The following ZNF385D variants were observed in gnomAD, a reference collection of about 807,000 sequenced individuals.
The protein encoded by ZNF385D is zinc finger protein 659.
ZNF385D carries 15 observed loss-of-function variants against 35.8 expected under a neutral mutation model. The observed-to-expected ratio is 0.42, with a 90% CI of 0.28 to 0.64. The LOEUF (loss-of-function observed/expected upper bound fraction) is 0.64, where lower values mean the gene tolerates loss of function less well. Among genes scored for constraint, ZNF385D ranks in the 30% least tolerant of loss-of-function variants. The pLI is 0.23. For missense variants in ZNF385D, 474 were observed against 494.6 expected (o/e 0.96, Z 0.39); for synonymous variants, 212 against 186.8 (o/e 1.13, Z -1.10).
chr3:21,697,676 A>G (rs1381165645), intron 1 of ZNF385D, among the ~76,000 whole-genome samples: 1 of 152,232 alleles, frequency 6.6e-6, no homozygotes, highest in Non-Finnish European at 1.5e-5. Flanking sequence ...GACAATCTAC[A>G]GAACGGGAGA....
At chr3:22,104,551 G>A (rs548438548) in intron 3 of ZNF385D, among the ~76,000 whole-genome samples, 2 of 151,374 alleles carry the variant, frequency 1.3e-5, no homozygotes, top group African/African-American at 2.4e-5. Flanking sequence ...TTTTTTTGCC[G>A]CGTTGTGTAC....
intron 2 of ZNF385D, among the ~76,000 whole-genome samples, chr3:22,250,128 C>T (rs996290890): frequency 6.6e-6 from 1 of 152,084 alleles, no homozygotes; most frequent in Non-Finnish European, 1.5e-5. Context: ...ATGTGGTAAA[C>T]TTCAAGGTAT....
chr3:21,459,481 G>A (rs1172770157), intron 4 of ZNF385D: 3 of 151,996 alleles, frequency 2.0e-5, no homozygotes, highest in Non-Finnish European at 4.4e-5. Context: ...AGAGCAGAAT[G>A]AAATATTATA....
At chr3:21,782,258 A>T (rs2071520019) in intron 3 of ZNF385D, among the ~76,000 whole-genome samples, 1 of 152,250 alleles carries the variant, frequency 6.6e-6, no homozygotes, top group African/African-American at 2.4e-5. Context: ...GTGCCGGCCA[A>T]GTGGAGGTCA....
intron 3 of ZNF385D, among the ~76,000 whole-genome samples, chr3:21,998,629 G>C (rs1428164237): frequency 6.6e-6 from 1 of 152,090 alleles, no homozygotes; most frequent in African/African-American, 2.4e-5. Flanking sequence ...CAAGAGATTT[G>C]TTATTAGTGT....
chr3:22,270,480 A>T (rs967430657), intron 2 of ZNF385D, among the ~76,000 whole-genome samples: 1 of 151,972 alleles, frequency 6.6e-6, no homozygotes, highest in Non-Finnish European at 1.5e-5. Flanking sequence ...TTTCCATGTG[A>T]GCTTACTCCC....
At chr3:21,439,070 T>C (rs1248608067) in intron 4 of ZNF385D, among the ~76,000 whole-genome samples, 1 of 152,076 alleles carries the variant, frequency 6.6e-6, no homozygotes, top group African/African-American at 2.4e-5. Flanking sequence ...AAACAACAAG[T>C]AGCTAATTTG....
intron 2 of ZNF385D, among the ~76,000 whole-genome samples, chr3:21,664,154 C>T (rs1488527987): frequency 1.3e-5 from 2 of 150,334 alleles, no homozygotes; most frequent in Non-Finnish European, 3.0e-5. Flanking sequence ...CCTTTTCAAC[C>T]CTTATTTCAA....
intron 3 of ZNF385D, among the ~76,000 whole-genome samples, chr3:21,788,954 G>A (rs1179171608): frequency 2.0e-5 from 3 of 151,642 alleles, no homozygotes; most frequent in Non-Finnish European, 4.4e-5. Context: ...GAGGACAGAA[G>A]AACAAAAAAA....
chr3:22,257,635 C>T (rs937666538), intron 2 of ZNF385D, among the ~76,000 whole-genome samples: 18 of 151,854 alleles, frequency 1.2e-4, no homozygotes, highest in African/African-American at 4.3e-4. Context: ...CATCACTACT[C>T]TGCCCAGCAT....
intron 3 of ZNF385D, among the ~76,000 whole-genome samples, chr3:21,790,887 T>A (rs998996697): frequency 2.6e-5 from 4 of 152,222 alleles, no homozygotes; most frequent in African/African-American, 9.6e-5. Flanking sequence ...ATTTTTTTGC[T>A]TGTCCTTTAG....
intron 2 of ZNF385D, among the ~76,000 whole-genome samples, chr3:22,354,728 A>G (rs1039981976): frequency 2.0e-5 from 3 of 152,120 alleles, no homozygotes; most frequent in East Asian, 1.9e-4. Flanking sequence ...AACAGAGAAC[A>G]TCAGGAAAAC....
At chr3:21,470,826 A>G (rs543002305) in intron 4 of ZNF385D, among the ~76,000 whole-genome samples, 1 of 152,222 alleles carries the variant, frequency 6.6e-6, no homozygotes, top group Admixed American at 6.5e-5. Flanking sequence ...TTGAATGATC[A>G]TTCCCAGCTT....
intron 2 of ZNF385D, among the ~76,000 whole-genome samples, chr3:21,657,050 A>G (rs1041984044): frequency 6.6e-6 from 1 of 151,876 alleles, no homozygotes; most frequent in Admixed American, 6.6e-5. Flanking sequence ...AAGGATATCT[A>G]TATATAAATA....
intron 3 of ZNF385D, among the ~76,000 whole-genome samples, chr3:21,942,076 A>T (rs1701549372): frequency 6.6e-6 from 1 of 152,024 alleles, no homozygotes; most frequent in Admixed American, 6.5e-5. Context: ...TATATGTTAT[A>T]GCTAAGGACA....
intron 3 of ZNF385D, among the ~76,000 whole-genome samples, chr3:21,912,272 AC>A (rs919641683): frequency 4.6e-5 from 7 of 151,118 alleles, no homozygotes; most frequent in African/African-American, 1.2e-4. Context: ...GACAATAATA[AC>A]CCCAAGTAGT....
At chr3:21,583,589 A>G (rs933044777) in intron 2 of ZNF385D, among the ~76,000 whole-genome samples, 20 of 152,144 alleles carry the variant, frequency 1.3e-4, no homozygotes, top group African/African-American at 4.6e-4. Context: ...TAACATGCTA[A>G]TATATTTAAA....
chr3:22,010,506 A>G (rs1383313973), intron 3 of ZNF385D, among the ~76,000 whole-genome samples: 1 of 152,230 alleles, frequency 6.6e-6, no homozygotes, highest in Non-Finnish European at 1.5e-5. Flanking sequence ...AGTTTCCTCT[A>G]TCTAGGCTCA....
intron 2 of ZNF385D, among the ~76,000 whole-genome samples, chr3:22,275,318 C>T (rs1334621726): frequency 1.3e-5 from 2 of 152,118 alleles, no homozygotes; most frequent in African/African-American, 4.8e-5. Flanking sequence ...CTTCAGCCAA[C>T]ACCTTCACCT....
Sources: allele counts gnomAD v4.1 joint callset (sites outside exome capture counted in the v4.1 genomes callset), GRCh38; gene constraint gnomAD v4.1.1; transcripts MANE v1.5; gene names NCBI Gene and HGNC (gene_info 2026-07-23, HGNC 2026-07-21).